LAMA4: variants seen among roughly 807,000 people sequenced by gnomAD.
The protein encoded by LAMA4 is laminin subunit alpha-4.
LAMA4 carries 127 observed loss-of-function variants against 207.1 expected under a neutral mutation model. The observed-to-expected ratio is 0.61, with a 90% CI of 0.53 to 0.71. The LOEUF (loss-of-function observed/expected upper bound fraction) is 0.71, where lower values mean the gene tolerates loss of function less well. Among genes scored for constraint, LAMA4 ranks in the 30% least tolerant of loss-of-function variants. LAMA4 has a pLI of 0.00. For synonymous variants in LAMA4, 761 were observed against 816.0 expected, an observed-to-expected ratio of 0.93 and a Z score of 1.15; for missense variants, 2,093 against 2,246.5, an observed-to-expected ratio of 0.93 and a Z score of 1.38.
At chr6:112,190,898 T>TC (rs1491555668) in intron 6 of LAMA4, among the ~76,000 whole-genome samples, 1 of 80,166 alleles carries the variant, frequency 1.2e-5, no homozygotes, top group East Asian at 4.1e-4. Context: ...TTTCTTTCTT[T>TC]CTTTCTTTCT....
At chr6:112,176,221 T>G (rs549499634) in intron 10 of LAMA4, among the ~76,000 whole-genome samples, 1 of 152,338 alleles carries the variant, frequency 6.6e-6, no homozygotes, top group Non-Finnish European at 1.5e-5. Context: ...TCAAAGGGAT[T>G]AGGTGACCTG....
chr6:112,218,257 C>G (rs1784739211), intron 2 of LAMA4: 1 of 152,188 alleles, frequency 6.6e-6, no homozygotes, highest in African/African-American at 2.4e-5. Context: ...GACCATATTA[C>G]AGTCTTCTGG....
intron 2 of LAMA4, among the ~76,000 whole-genome samples, chr6:112,221,180 G>A (rs1385368218): frequency 1.3e-5 from 2 of 152,088 alleles, no homozygotes; most frequent in African/African-American, 4.8e-5. Flanking sequence ...GTCCCAAAGA[G>A]GATCAGACCC....
chr6:112,193,322 G>A (rs1377142390), intron 5 of LAMA4, among the ~76,000 whole-genome samples: 1 of 152,058 alleles, frequency 6.6e-6, no homozygotes. Flanking sequence ...GGCCTGGGCT[G>A]GGGTGTTGGC....
intron 9 of LAMA4, chr6:112,179,873 T>A: frequency 1.9e-6 from 1 of 530,342 alleles, no homozygotes; most frequent in Non-Finnish European, 3.9e-6. Flanking sequence ...AACTGTGGGC[T>A]CTCTGAATGG....
chr6:112,248,340 A>C (rs1157200387), intron 2 of LAMA4, among the ~76,000 whole-genome samples: 2 of 152,104 alleles, frequency 1.3e-5, no homozygotes, highest in East Asian at 3.9e-4. Context: ...TCTACTAAAA[A>C]TACAAAAAAT....
At position 112,140,916 on chromosome 6, in the gene LAMA4, T is replaced by C; in HGVS notation, c.2820A>G (p.Gly940=). The change falls in exon 22 of 39, where the codon GGA becomes GGG. Residue 940 remains glycine (G), a synonymous_variant. Transcript: ENST00000230538. ...CTGTTAAAAACACCTTTCCATGTTT[T>C]CCCACCCTATTGAGATAAATAATTT... The part of the protein sequence containing the change: ...YFSIVKIERV[G]KHGKVFLTVP... The C allele has an allele frequency of 6.2e-7, 1 of 1,611,308 alleles. No homozygotes were observed. Among genetic ancestry groups the C allele is most frequent in the Non-Finnish European group, 8.5e-7 (1 of 1,177,406 alleles).
chr6:112,185,617 T>A (rs1782640094), intron 8 of LAMA4, among the ~76,000 whole-genome samples: 1 of 152,198 alleles, frequency 6.6e-6, no homozygotes, highest in Non-Finnish European at 1.5e-5. Flanking sequence ...GGGCTCCTTT[T>A]TCTAATTTGT....
Position 112,133,419 on chromosome 6 carries a change from T to C in LAMA4, c.3626A>G (p.Lys1209Arg), listed in dbSNP as rs1779157422. ...RGCMKGFQFQ[K>R]KDFNLLEQTE... ...CTGCTCCAGTAAATTGAAGTCCTTC[T>C]TTTGGAACTGGAAGCCCTTCATGCA... Residue 1209 changes from lysine to arginine, a missense_variant, in exon 27 of 39, where the codon AAG (lysine) becomes AGG (arginine). By Grantham distance (26) the Lys-to-Arg change is conservative. Around this residue, in one of 3 missense-constraint regions of LAMA4, gnomAD observed 1,704 missense variants for 1,788.4 expected, o/e 0.95. Transcript: ENST00000230538. 1.2e-6 allele frequency: 2 copies of C among 1,613,738 alleles called. No homozygotes were observed. Among genetic ancestry groups the C allele is most frequent in the African/African-American group, 2.7e-5 (2 of 74,884 alleles).
At chr6:112,144,668 G>A in intron 19 of LAMA4, 126 bp downstream of exon 19, 1 of 1,112,614 alleles carries the variant, frequency 9.0e-7, no homozygotes, top group Non-Finnish European at 1.4e-6. Flanking sequence ...AGCAAATGGG[G>A]CTGAGAACTA....
At position 112,206,709 on chromosome 6, in the gene LAMA4, G is replaced by A. The variant is rs77329639; in HGVS notation, c.422+312C>T. Among the ~76,000 whole-genome samples the A allele has an allele frequency of 0.055, 8,303 of 152,146 alleles. 708 individuals carry two copies. Among genetic ancestry groups the A allele is most frequent in the African/African-American group, 0.19 (7,763 of 41,430 alleles). ...TCTGTTGGGATTACCAGTTGTGATTGCTCTAGGTCAAGAGAAAGTCAAGAA... is the reference window on the plus strand; with the variant it reads ...TCTGTTGGGATTACCAGTTGTGATTACTCTAGGTCAAGAGAAAGTCAAGAA... On this transcript the variant is annotated intron_variant, in intron 4 of 38. Coordinates refer to ENST00000230538, the MANE Select transcript of LAMA4 (RefSeq NM_001105206.3).
intron 13 of LAMA4, among the ~76,000 whole-genome samples, chr6:112,160,240 C>A (rs1434006046): frequency 6.6e-6 from 1 of 152,140 alleles, no homozygotes; most frequent in Non-Finnish European, 1.5e-5. Context: ...GCAACCAGCC[C>A]CCAGCCCTTC....
chr6:112,221,961 T>C (rs1455431242), intron 2 of LAMA4, among the ~76,000 whole-genome samples: 1 of 152,146 alleles, frequency 6.6e-6, no homozygotes, highest in Admixed American at 6.5e-5. Context: ...TCAGTAAAAA[T>C]AAAATATGGA....
chr6:112,120,659 ATTCTT>A (rs1778300279), intron 32 of LAMA4, among the ~76,000 whole-genome samples, 187 bp from the exon 33 acceptor site: 1 of 152,216 alleles, frequency 6.6e-6, no homozygotes, highest in Non-Finnish European at 1.5e-5. Flanking sequence ...AAAAATGTAA[ATTCTT>A]CTCTACTTCC....
intron 13 of LAMA4, among the ~76,000 whole-genome samples, chr6:112,159,834 A>G (rs1780946570): frequency 6.6e-6 from 1 of 152,032 alleles, no homozygotes; most frequent in Non-Finnish European, 1.5e-5. Flanking sequence ...TTGTGGGTAA[A>G]TTTGGGAAGA....
At chr6:112,179,703 C>T (rs1253100119) in intron 9 of LAMA4, 4 of 216,808 alleles carry the variant, frequency 1.8e-5, no homozygotes, top group Non-Finnish European at 3.8e-5. Context: ...GCAAGTGGCC[C>T]TCTCAGATGG....
At chr6:112,163,736 G>C (rs558981177) in intron 13 of LAMA4, among the ~76,000 whole-genome samples, 64 of 152,258 alleles carry the variant, frequency 4.2e-4, no homozygotes, top group African/African-American at 1.4e-3. Context: ...AAGTTAGAGG[G>C]GATGCAAGCT....
chr6:112,229,468 T>G (rs1554363800), intron 2 of LAMA4, among the ~76,000 whole-genome samples: 4 of 152,216 alleles, frequency 2.6e-5, no homozygotes, highest in African/African-American at 9.6e-5. Flanking sequence ...TTTGAAGTCA[T>G]CTCTTGCAAG....
At chr6:112,246,413 A>C (rs1786929587) in intron 2 of LAMA4, among the ~76,000 whole-genome samples, 1 of 152,180 alleles carries the variant, frequency 6.6e-6, no homozygotes. Flanking sequence ...AAAAACTCTA[A>C]AGTAGGGGAG....
Sources: allele counts gnomAD v4.1 joint callset (sites outside exome capture counted in the v4.1 genomes callset), GRCh38; gene constraint gnomAD v4.1.1; regional missense constraint gnomAD v4.1.1; transcripts MANE v1.5; gene names NCBI Gene and HGNC (gene_info 2026-07-23, HGNC 2026-07-21).